CSMD1: variants seen among roughly 807,000 people sequenced by gnomAD.
The protein encoded by CSMD1 is CUB and sushi domain-containing protein 1.
Under a neutral mutation model 417.5 loss-of-function variants are expected in CSMD1, and 213 were observed. The ratio of observed to expected loss-of-function variants is 0.51; its 90% CI spans 0.46 to 0.57. CSMD1 has a LOEUF of 0.57. Among genes scored for constraint, CSMD1 ranks in the 20% least tolerant of loss-of-function variants. CSMD1 has a pLI of 0.00. For synonymous variants in CSMD1, 2,862 were observed against 1,736.8 expected, an observed-to-expected ratio of 1.65 and a Z score of -16.11; for missense variants, 6,923 against 4,529.7, an observed-to-expected ratio of 1.53 and a Z score of -15.17.
intron 5 of CSMD1, among the ~76,000 whole-genome samples, chr8:3,772,550 TACA>T (rs1798665372): frequency 6.3e-5 from 4 of 63,616 alleles, no homozygotes; most frequent in East Asian, 4.1e-4. Flanking sequence ...TACACATATA[TACA>T]TATATACATA....
At chr8:4,391,414 G>A (rs921759206) in intron 3 of CSMD1, among the ~76,000 whole-genome samples, 2 of 152,110 alleles carry the variant, frequency 1.3e-5, no homozygotes, top group African/African-American at 2.4e-5. Context: ...TAGGCTTTCA[G>A]AGCCTTAGTG....
intron 5 of CSMD1, among the ~76,000 whole-genome samples, chr8:3,772,217 T>G (rs779933849): frequency 7.5e-6 from 1 of 132,642 alleles, no homozygotes; most frequent in East Asian, 2.2e-4. Flanking sequence ...CACACACACA[T>G]ATAATACACA....
At chr8:3,603,776 G>T (rs944598317) in intron 8 of CSMD1, among the ~76,000 whole-genome samples, 35 of 152,180 alleles carry the variant, frequency 2.3e-4, no homozygotes, top group African/African-American at 8.4e-4. Flanking sequence ...TCATCTATTA[G>T]TAAACTAAAT....
chr8:4,013,479 A>T (rs969346012), intron 4 of CSMD1, among the ~76,000 whole-genome samples: 4 of 152,142 alleles, frequency 2.6e-5, no homozygotes, highest in Admixed American at 6.5e-5. Flanking sequence ...ATCTTAGGTG[A>T]TAAGACCAGG....
chr8:3,857,455 G>A (rs1402370095), intron 5 of CSMD1, among the ~76,000 whole-genome samples: 2 of 152,158 alleles, frequency 1.3e-5, no homozygotes, highest in Admixed American at 6.5e-5. Context: ...GGACCTTGGA[G>A]AACTTCTGGA....
intron 23 of CSMD1, among the ~76,000 whole-genome samples, chr8:3,335,596 G>C (rs923900221): frequency 1.1e-4 from 16 of 152,146 alleles, no homozygotes; most frequent in African/African-American, 3.1e-4. Context: ...AGAATCGCTT[G>C]AACCTGAGAG....
intron 26 of CSMD1, among the ~76,000 whole-genome samples, chr8:3,267,751 G>A (rs1360365086): frequency 6.6e-6 from 1 of 152,196 alleles, no homozygotes; most frequent in East Asian, 1.9e-4. Context: ...CACACTACAT[G>A]CCTCCCACAG....
intron 26 of CSMD1, among the ~76,000 whole-genome samples, chr8:3,261,970 T>A (rs1379920323): frequency 6.6e-6 from 1 of 151,862 alleles, no homozygotes; most frequent in Non-Finnish European, 1.5e-5. Flanking sequence ...TAGTGAACTC[T>A]AGTTCTACAG....
intron 3 of CSMD1, among the ~76,000 whole-genome samples, chr8:4,120,352 A>C (rs140849737): frequency 6.6e-6 from 1 of 152,218 alleles, no homozygotes; most frequent in African/African-American, 2.4e-5. Flanking sequence ...AGATTATTTT[A>C]TAAAATCAGA....
chr8:4,273,998 C>A (rs999875143), intron 3 of CSMD1, among the ~76,000 whole-genome samples: 12 of 152,190 alleles, frequency 7.9e-5, no homozygotes, highest in African/African-American at 2.9e-4. Context: ...GTGATAACCG[C>A]ATGCATTTTT....
intron 2 of CSMD1, among the ~76,000 whole-genome samples, chr8:4,606,777 G>C (rs923943312): frequency 6.6e-6 from 1 of 152,106 alleles, no homozygotes; most frequent in Non-Finnish European, 1.5e-5. Context: ...TTTTCAAATT[G>C]ACATAAAGGG....
chr8:4,164,483 C>G (rs1797342743), intron 3 of CSMD1, among the ~76,000 whole-genome samples: 1 of 152,046 alleles, frequency 6.6e-6, no homozygotes, highest in Non-Finnish European at 1.5e-5. Flanking sequence ...CTAAACTAAT[C>G]AAACGCAATG....
chr8:4,090,889 T>C (rs1800682084), intron 3 of CSMD1, among the ~76,000 whole-genome samples: 3 of 152,144 alleles, frequency 2.0e-5, no homozygotes, highest in Admixed American at 1.3e-4. Context: ...CTGTCTACAT[T>C]ATTAGTAACA....
intron 7 of CSMD1, among the ~76,000 whole-genome samples, chr8:3,689,771 A>G (rs1242560407): frequency 2.0e-5 from 3 of 152,218 alleles, no homozygotes; most frequent in Admixed American, 2.0e-4. Flanking sequence ...GCCCAGAGTT[A>G]TAAAGTGATT....
At chr8:4,545,657 G>C (rs1585231132) in intron 2 of CSMD1, among the ~76,000 whole-genome samples, 2 of 152,300 alleles carry the variant, frequency 1.3e-5, no homozygotes, top group South Asian at 4.1e-4. Flanking sequence ...CACCCTAGGA[G>C]TTTCCCAGTG....
At chr8:3,235,036 C>T (rs546235515) in intron 26 of CSMD1, among the ~76,000 whole-genome samples, 3 of 152,230 alleles carry the variant, frequency 2.0e-5, no homozygotes, top group African/African-American at 7.2e-5. Flanking sequence ...CAAGTGGTGA[C>T]ATGTATAATT....
At chr8:3,411,207 C>G (rs1446092294) in intron 12 of CSMD1, among the ~76,000 whole-genome samples, 1 of 152,124 alleles carries the variant, frequency 6.6e-6, no homozygotes, top group Admixed American at 6.5e-5. Flanking sequence ...AAAAGTGAGT[C>G]CCAGGAAATT....
intron 1 of CSMD1, among the ~76,000 whole-genome samples, chr8:4,789,423 T>TA (rs1419535872): frequency 6.6e-6 from 1 of 152,166 alleles, no homozygotes; most frequent in Non-Finnish European, 1.5e-5. Context: ...CTAATATTGA[T>TA]AGTACTGTGT....
intron 7 of CSMD1, among the ~76,000 whole-genome samples, chr8:3,660,774 G>A (rs1798375473): frequency 6.6e-6 from 1 of 152,064 alleles, no homozygotes; most frequent in Non-Finnish European, 1.5e-5. Flanking sequence ...ACACACCTCG[G>A]CCTCTCAAAG....
Sources: allele counts gnomAD v4.1 joint callset (sites outside exome capture counted in the v4.1 genomes callset), GRCh38; gene constraint gnomAD v4.1.1; transcripts MANE v1.5; gene names NCBI Gene and HGNC (gene_info 2026-07-23, HGNC 2026-07-21).